Variants in RNF4 observed in about 807,000 individuals in gnomAD.
RNF4 encodes E3 ubiquitin-protein ligase RNF4.
RNF4 carries 7 observed loss-of-function variants against 24.3 expected under a neutral mutation model. The observed-to-expected ratio is 0.29, with a 90% confidence interval of 0.16 to 0.54. The LOEUF is 0.54. Ranked by LOEUF, RNF4 falls within the 20% of genes least tolerant of loss-of-function variation. RNF4 has a pLI of 0.95. For missense variants in RNF4, 209 were observed against 248.5 expected (o/e 0.84, Z 1.07); for synonymous variants, 83 against 84.3 (o/e 0.98, Z 0.09).
At position 2,483,985 on chromosome 4, in the gene RNF4, C is replaced by G. The variant is rs1021914356; in HGVS notation, c.-157-6352C>G. 7.3e-5 allele frequency among the ~76,000 whole-genome samples: 10 copies of G among 137,012 alleles called. No individual in the cohort carries two copies. In the South Asian group the frequency reaches 1.8e-3, roughly 25 times the overall value. 89.9% of individuals were successfully genotyped at this position (137,012 alleles called of 152,430 possible). A position where few individuals can be genotyped will look rare whatever the true frequency, so the allele number is the denominator to read the frequency against. ...GGGATTACAGGCGCCCACCACCACA[C>G]CCAGCTAATTGTTGTATTTTTAGTA... On this transcript the variant is annotated intron_variant, in intron 1 of 7. Transcript: ENST00000314289.
In RNF4 at chr4:2,479,005, C is replaced by T. The variant is rs889925300; in HGVS notation, c.-158+9747C>T. ...CTGCAAAGCCACAGGGGTGGAGCTG[C>T]CTAAGGCCATGGGAACTCACCTCTT... is the stretch of plus-strand genomic sequence containing the variant. On this transcript the variant is annotated intron_variant, in intron 1 of 7. Transcript: ENST00000314289. 2.6e-5 allele frequency among the ~76,000 whole-genome samples: 4 copies of T among 152,304 alleles called. 1 individual carries two copies. Among genetic ancestry groups the T allele is most frequent in the East Asian group, 1.9e-4 (1 of 5,182 alleles).
At chr4:2,489,694 T>C (rs1735522703) in intron 1 of RNF4, 1 of 152,306 alleles carries the variant, frequency 6.6e-6, no homozygotes, top group African/African-American at 2.4e-5. Context: ...CAGGGCTTTG[T>C]GGCTCCATTA....
At chr4:2,497,218 G>A in intron 3 of RNF4, 97 bp downstream of exon 3, 1 of 809,422 alleles carries the variant, frequency 1.2e-6, no homozygotes, top group Non-Finnish European at 2.0e-6. Flanking sequence ...AGTGTCTTTA[G>A]AAGGCCTATG....
At chr4:2,488,293 A>G (rs751612577) in intron 1 of RNF4, among the ~76,000 whole-genome samples, 9 of 152,160 alleles carry the variant, frequency 5.9e-5, no homozygotes, top group Non-Finnish European at 5.9e-5. Flanking sequence ...TGGAAACCCC[A>G]TCTCTACTAA....
intron 1 of RNF4, among the ~76,000 whole-genome samples, chr4:2,488,812 T>TTA (rs1735494093): frequency 6.6e-6 from 1 of 151,830 alleles, no homozygotes; most frequent in African/African-American, 2.4e-5. Context: ...TATTTTCATT[T>TTA]TTTATTTATT....
chr4:2,495,647 G>GGC (rs1366494032), intron 2 of RNF4, among the ~76,000 whole-genome samples: 2 of 146,782 alleles, frequency 1.4e-5, no homozygotes, highest in Admixed American at 7.2e-5. Flanking sequence ...TTTGGGGGGG[G>GGC]GTGAGATGGA....
At chr4:2,504,518 T>A (rs770459906) in intron 4 of RNF4, among the ~76,000 whole-genome samples, 23 of 145,764 alleles carry the variant, frequency 1.6e-4, no homozygotes, top group Non-Finnish European at 3.0e-4. Flanking sequence ...TTCTTTGTTT[T>A]ATAGCTTTTA....
At chr4:2,506,420 G>A (rs1382183922) in intron 4 of RNF4, 1 of 152,200 alleles carries the variant, frequency 6.6e-6, no homozygotes, top group Non-Finnish European at 1.5e-5. Flanking sequence ...GGCCTCAAGT[G>A]ATATACCTGA....
chr4:2,502,347 C>T (rs949888616), intron 4 of RNF4, among the ~76,000 whole-genome samples: 3 of 152,114 alleles, frequency 2.0e-5, no homozygotes, highest in Non-Finnish European at 4.4e-5. Flanking sequence ...GCTGACAAAC[C>T]AACATCATTT....
chr4:2,510,406 T>G (rs1736239438), intron 4 of RNF4, among the ~76,000 whole-genome samples: 1 of 152,164 alleles, frequency 6.6e-6, no homozygotes, highest in Non-Finnish European at 1.5e-5. Flanking sequence ...TGCACTCATA[T>G]CTTTGGGTTC....
At chr4:2,492,312 C>T (rs1252756465) in intron 2 of RNF4, among the ~76,000 whole-genome samples, 1 of 152,118 alleles carries the variant, frequency 6.6e-6, no homozygotes, top group Non-Finnish European at 1.5e-5. Flanking sequence ...CCAGAGTGAG[C>T]GACAATACCC....
intron 1 of RNF4, chr4:2,480,644 CATG>C (rs752818949): frequency 6.6e-6 from 1 of 151,994 alleles, no homozygotes; most frequent in South Asian, 2.1e-4. Flanking sequence ...GTGGGGACAC[CATG>C]ATAAGTATTT....
chr4:2,498,438 T>G (rs1670090351), intron 3 of RNF4, among the ~76,000 whole-genome samples: 2 of 152,110 alleles, frequency 1.3e-5, no homozygotes, highest in Admixed American at 1.3e-4. Context: ...TCCACCTGCC[T>G]TGGCCTCCCA....
chr4:2,499,123 G>C (rs1435885641), intron 3 of RNF4, among the ~76,000 whole-genome samples: 2 of 151,842 alleles, frequency 1.3e-5, no homozygotes, highest in Admixed American at 1.3e-4. Context: ...CTTGCACCTG[G>C]GAGGCAGAGG....
At chr4:2,506,883 C>T (rs917243923) in intron 4 of RNF4, among the ~76,000 whole-genome samples, 2 of 152,160 alleles carry the variant, frequency 1.3e-5, no homozygotes, top group Non-Finnish European at 2.9e-5. Context: ...GGTCACTTTT[C>T]ATGAGCATTT....
chr4:2,489,303 T>C (rs1735509340), intron 1 of RNF4, among the ~76,000 whole-genome samples: 2 of 152,192 alleles, frequency 1.3e-5, no homozygotes, highest in African/African-American at 4.8e-5. Context: ...AGACCCAGCA[T>C]GAGCAGGCAT....
At chr4:2,479,184 C>T (rs1179855872) in intron 1 of RNF4, among the ~76,000 whole-genome samples, 1 of 152,218 alleles carries the variant, frequency 6.6e-6, no homozygotes, top group African/African-American at 2.4e-5. Context: ...TGTATTTACC[C>T]AATGCCTGCA....
intron 4 of RNF4, among the ~76,000 whole-genome samples, chr4:2,503,959 G>A (rs559703929): frequency 6.6e-6 from 1 of 152,278 alleles, no homozygotes; most frequent in South Asian, 2.1e-4. Flanking sequence ...CTTTGTGCCT[G>A]TGGTCCCAGC....
chr4:2,487,647 C>A (rs969425935), intron 1 of RNF4, among the ~76,000 whole-genome samples: 1 of 152,098 alleles, frequency 6.6e-6, no homozygotes, highest in Non-Finnish European at 1.5e-5. Context: ...GTTTCCAATT[C>A]CTGGGCTCAA....
Sources: gnomAD v4.1 joint callset for allele counts (sites outside exome capture counted in the v4.1 genomes callset) on GRCh38, gnomAD v4.1.1 for gene constraint, MANE v1.5 for transcripts, NCBI Gene and HGNC (gene_info 2026-07-23, HGNC 2026-07-21) for gene names.